Variants in SYT13 observed in about 807,000 individuals in gnomAD.
The protein encoded by SYT13 is synaptotagmin 13.
SYT13 carries 21 observed loss-of-function variants against 38.6 expected under a neutral mutation model. The ratio of observed to expected loss-of-function variants is 0.54; its 90% confidence interval spans 0.39 to 0.78. The LOEUF (loss-of-function observed/expected upper bound fraction) is 0.78, where lower values mean the gene tolerates loss of function less well. Among genes scored for constraint, SYT13 ranks in the 30% least tolerant of loss-of-function variants. The pLI, the probability that SYT13 is intolerant of heterozygous loss-of-function variation, is 0.00. For synonymous variants in SYT13, 241 were observed against 237.6 expected (o/e 1.01, Z -0.13); for missense variants, 495 against 548.7 (o/e 0.90, Z 0.98).
chr11:45,244,895 T>C (rs2902428), intron 5 of SYT13, among the ~76,000 whole-genome samples: 113,435 of 152,120 alleles, frequency 0.75, 44,256 homozygotes, highest in Non-Finnish European at 0.88. Context: ...CATGACTTCA[T>C]ATCCTCACAT....
chr11:45,254,104 G>A, intron 3 of SYT13, 166 bp downstream of exon 3: 1 of 698,070 alleles, frequency 1.4e-6, no homozygotes, highest in South Asian at 3.6e-5. Flanking sequence ...GTTGGGGTTG[G>A]GAGTGTGGGA....
Position 45,252,597 on chromosome 11 carries a change from C to T in SYT13, c.670G>A (p.Gly224Ser). ...TCCTCCGCCAGGGGGAGCACCAGGC[C>T]CTCCTCCCAGGTGGTGTGCAGCTGC... ...KRQLHTTWEE[G>S]LVLPLAEEEL... Residue 224 changes from glycine to serine, a missense_variant, in exon 4 of 6, where the codon GGC (glycine) becomes AGC (serine). By Grantham distance (56) the Gly-to-Ser change is moderately conservative. Transcript: ENST00000020926. The surrounding 1 kb of genome is among the most constrained non-coding windows in gnomAD (Gnocchi z 4.3). 1 of 1,614,158 alleles carries T rather than the reference C, an allele frequency of 6.2e-7. No homozygotes were observed. Among genetic ancestry groups the T allele is most frequent in the Non-Finnish European group, 8.5e-7 (1 of 1,180,016 alleles).
chr11:45,260,105 G>T (rs1854797429), intron 1 of SYT13, among the ~76,000 whole-genome samples: 2 of 152,130 alleles, frequency 1.3e-5, no homozygotes, highest in South Asian at 4.2e-4. Context: ...TGGGCCTAGG[G>T]TAGAAAGAAA....
intron 3 of SYT13, 128 bp downstream of exon 3, chr11:45,254,142 C>T: frequency 9.3e-7 from 1 of 1,070,302 alleles, no homozygotes; most frequent in Non-Finnish European, 1.3e-6. Context: ...TCCATGTGTT[C>T]CAGGGTCTGG....
At chr11:45,279,517 A>G (rs1176647947) in intron 1 of SYT13, among the ~76,000 whole-genome samples, 2 of 152,106 alleles carry the variant, frequency 1.3e-5, no homozygotes, top group African/African-American at 2.4e-5. Context: ...AGCTCAGAAG[A>G]TCGAGGCAGC....
chr11:45,266,391 A>G (rs1854881537), intron 1 of SYT13, among the ~76,000 whole-genome samples: 1 of 152,138 alleles, frequency 6.6e-6, no homozygotes. Flanking sequence ...TTGATTCCAT[A>G]TGATTGTTTT....
chr11:45,251,633 T>A (rs942351778), intron 4 of SYT13, among the ~76,000 whole-genome samples: 1 of 152,092 alleles, frequency 6.6e-6, no homozygotes, highest in African/African-American at 2.4e-5. Flanking sequence ...GGGGCCTAAG[T>A]AACTACATAC....
chr11:45,256,763 C>T (rs576083934), intron 1 of SYT13, among the ~76,000 whole-genome samples: 1 of 152,328 alleles, frequency 6.6e-6, no homozygotes, highest in South Asian at 2.1e-4. Flanking sequence ...CCCTATGGCT[C>T]TCGATGTTTG....
At chr11:45,249,321 C>T (rs1237223667) in intron 4 of SYT13, among the ~76,000 whole-genome samples, 2 of 152,196 alleles carry the variant, frequency 1.3e-5, no homozygotes, top group Non-Finnish European at 2.9e-5. Context: ...ACTAGTTCAA[C>T]CATTGTGGAA....
chr11:45,280,639 C>T (rs1021260009), intron 1 of SYT13, among the ~76,000 whole-genome samples: 1 of 152,324 alleles, frequency 6.6e-6, no homozygotes, highest in South Asian at 2.1e-4. Context: ...AGCTCTCCTA[C>T]CCGCTGCAGT....
At position 45,256,525 on chromosome 11, in the gene SYT13, G is replaced by C. The variant is rs1483665959; in HGVS notation, c.184-634C>G. Among the ~76,000 whole-genome samples the C allele has an allele frequency of 3.9e-5, 6 of 152,256 alleles. No homozygotes were observed. In the South Asian group the frequency reaches 6.2e-4, roughly 16 times the overall value. On this transcript the variant is annotated intron_variant, in intron 1 of 5. Coordinates refer to ENST00000020926, the MANE Select transcript of SYT13 (RefSeq NM_020826.3). ...TCACACCTGAAGTCTGAACCAAGGA[G>C]TCCATCTCTAACCTTACAATCTAAA...
chr11:45,245,075 C>T (rs374627884), intron 5 of SYT13, among the ~76,000 whole-genome samples: 3 of 152,160 alleles, frequency 2.0e-5, no homozygotes, highest in Non-Finnish European at 4.4e-5. Context: ...TCTTCTCATC[C>T]GTACTTTTTA....
At chr11:45,281,126 G>C (rs934553239) in intron 1 of SYT13, among the ~76,000 whole-genome samples, 1 of 152,014 alleles carries the variant, frequency 6.6e-6, no homozygotes, top group Admixed American at 6.5e-5. Flanking sequence ...AACCCAGGAG[G>C]CAGAGGTTGC....
rs1377608930 is a variant in SYT13, at chr11:45,241,705, A to G, written c.*2347T>C. The G allele has an allele frequency of 6.6e-6, 1 of 152,202 alleles. No homozygotes were observed. The highest frequency in any genetic ancestry group is 1.5e-5 in the Non-Finnish European group (1 of 68,042). 9.4% of individuals were successfully genotyped at this position (152,202 alleles called of 1,614,324 possible). ...TTTTGGTCTAGAATCCAAATTTTCT[A>G]GATTGGAGTAGTAGATGTTACCAAG... On this transcript the variant is annotated 3_prime_UTR_variant, in exon 6 of 6. Coordinates refer to ENST00000020926, the MANE Select transcript of SYT13 (RefSeq NM_020826.3).
intron 1 of SYT13, among the ~76,000 whole-genome samples, chr11:45,272,607 T>C (rs905640501): frequency 6.6e-6 from 1 of 152,232 alleles, no homozygotes; most frequent in Non-Finnish European, 1.5e-5. Flanking sequence ...ATAGATTTCC[T>C]TCTGTGTTAC....
At chr11:45,247,662 G>C (rs1854629365) in intron 4 of SYT13, among the ~76,000 whole-genome samples, 1 of 152,160 alleles carries the variant, frequency 6.6e-6, no homozygotes, top group Non-Finnish European at 1.5e-5. Flanking sequence ...TCCTGGACCA[G>C]GCACTCAGAA....
chr11:45,254,577 AT>A, intron 2 of SYT13, 173 bp from the exon 3 acceptor site: 2 of 780,856 alleles, frequency 2.6e-6, no homozygotes, highest in South Asian at 2.4e-5. Flanking sequence ...GTCACAGCCC[AT>A]TAGGCTGCAT....
In SYT13 at chr11:45,243,960, T is replaced by C; in HGVS notation, c.*92A>G. ...CCTTGCAAACACATCTGTCACTGTC[T>C]TCTGGGTGTCAGAATGAGGAAAGGG... On this transcript the variant is annotated 3_prime_UTR_variant, in exon 6 of 6. Transcript: ENST00000020926. The C allele has an allele frequency of 3.0e-6, 4 of 1,343,566 alleles. No individual in the cohort carries two copies. The highest frequency in any genetic ancestry group is 1.4e-5 in the African/African-American group (1 of 69,108). The allele number at this position is 1,343,566 out of a possible 1,614,324, so 83.2% of individuals were successfully genotyped here. A position where few individuals can be genotyped will look rare whatever the true frequency, so the allele number is the denominator to read the frequency against.
intron 1 of SYT13, among the ~76,000 whole-genome samples, chr11:45,262,259 T>C (rs1387064947): frequency 6.6e-6 from 1 of 152,176 alleles, no homozygotes; most frequent in Non-Finnish European, 1.5e-5. Flanking sequence ...ATGAAATACT[T>C]AGAGTCCTCA....
Sources: gnomAD v4.1 joint callset for allele counts (sites outside exome capture counted in the v4.1 genomes callset) on GRCh38, gnomAD v4.1.1 for gene constraint, Gnocchi (gnomAD v3.1) non-coding constraint, MANE v1.5 for transcripts, NCBI Gene and HGNC (gene_info 2026-07-23, HGNC 2026-07-21) for gene names.